The following PCDHA6 variants were observed in gnomAD, a reference collection of about 807,000 sequenced individuals.
The protein encoded by PCDHA6 is protocadherin alpha 6.
Under a neutral mutation model 60.3 loss-of-function variants are expected in PCDHA6, and 55 were observed. That is an observed-to-expected ratio of 0.91 (90% CI 0.73 to 1.14). The LOEUF (loss-of-function observed/expected upper bound fraction) is 1.14, where lower values mean the gene tolerates loss of function less well. PCDHA6 is among the 50% of genes most tolerant of loss of function. The pLI, the probability that PCDHA6 is intolerant of heterozygous loss-of-function variation, is 0.00. For missense variants in PCDHA6, 1,327 were observed against 1,256.5 expected, an observed-to-expected ratio of 1.06 and a Z score of -0.85; for synonymous variants, 652 against 557.9, an observed-to-expected ratio of 1.17 and a Z score of -2.38.
intron 1 of PCDHA6, chr5:140,855,801 TGAAA>T: frequency 4.2e-6 from 2 of 474,526 alleles, no homozygotes; most frequent in Non-Finnish European, 7.5e-6. Context: ...AACATATGAA[TGAAA>T]GAAAAGTTGT....
chr5:141,007,181 G>A (rs372000063), intron 3 of PCDHA6, among the ~76,000 whole-genome samples: 1 of 152,134 alleles, frequency 6.6e-6, no homozygotes, highest in East Asian at 1.9e-4. Context: ...AAGGTCAGGA[G>A]AATGTTTTGA....
chr5:140,843,489 G>T lies in PCDHA6; in HGVS notation c.2394+13004G>T, dbSNP rs2150361158. On this transcript the variant is annotated intron_variant, in intron 1 of 3. Transcript: ENST00000529310. ...CTGCTGCTGTACACTGCGCTGCGGT[G>T]CTCAGCACTGCCCACTGAGGGCGGG... The T allele has an allele frequency of 1.3e-6, 2 of 1,596,080 alleles. No homozygotes were observed. The highest frequency in any genetic ancestry group is 1.7e-6 in the Non-Finnish European group (2 of 1,165,638).
intron 1 of PCDHA6, chr5:140,853,603 G>T (rs1358386755): frequency 1.0e-6 from 1 of 987,254 alleles, no homozygotes; most frequent in Non-Finnish European, 1.2e-6. Context: ...GAGAGCAAAG[G>T]GGGTGCTGTA....
At chr5:140,869,932 G>A (rs1291685236) in intron 1 of PCDHA6, 45 of 1,611,630 alleles carry the variant, frequency 2.8e-5, no homozygotes, top group Non-Finnish European at 3.5e-5. Context: ...CAATGGAGAG[G>A]TAACATACTC....
chr5:140,857,659 C>T, intron 1 of PCDHA6: 1 of 1,596,596 alleles, frequency 6.3e-7, no homozygotes, highest in South Asian at 1.1e-5. Context: ...TGAGCGCGCG[C>T]GATGGGGGCG....
At chr5:140,836,132 G>A (rs1774227374) in intron 1 of PCDHA6, 2 of 1,613,758 alleles carry the variant, frequency 1.2e-6, no homozygotes, top group Non-Finnish European at 1.7e-6. Context: ...TTGTGCCGCG[G>A]TCTGTGGGCG....
In PCDHA6 at chr5:140,906,570, T is replaced by C. The variant is rs371493282; in HGVS notation, c.2395-72379T>C. ...TGCAACTGGTTGTGTGGTTCATAGCTGGTATTGATGACTACCTTCCTCTAC... is the reference window on the plus strand; with the variant it reads ...TGCAACTGGTTGTGTGGTTCATAGCCGGTATTGATGACTACCTTCCTCTAC... On this transcript the variant is annotated intron_variant, in intron 1 of 3. Coordinates refer to ENST00000529310, the MANE Select transcript of PCDHA6 (RefSeq NM_018909.4). 1.7e-4 allele frequency among the ~76,000 whole-genome samples: 26 copies of C among 152,230 alleles called. No homozygotes were observed. In the East Asian group the frequency reaches 2.1e-3, roughly 12 times the overall value.
At chr5:140,856,041 A>G in intron 1 of PCDHA6, 1 of 1,569,530 alleles carries the variant, frequency 6.4e-7, no homozygotes, top group Non-Finnish European at 8.7e-7. Flanking sequence ...AAACAAGAGA[A>G]GGATAAGATG....
intron 1 of PCDHA6, chr5:140,869,751 C>T (rs1562632987): frequency 1.2e-6 from 2 of 1,613,134 alleles, no homozygotes; most frequent in Non-Finnish European, 1.7e-6. Context: ...CAGCTACAGA[C>T]GGGGGAAAAC....
chr5:140,978,974 G>T lies in PCDHA6; in HGVS notation c.2420G>T (p.Arg807Leu). ...AKPRQPNPDW[R>L]YSASLRAGMH... is the part of the protein sequence containing the mutation. ...CCACGACAGCCCAACCCTGACTGGC[G>T]TTACTCTGCCTCCCTGAGAGCAGGC... Residue 807 changes from arginine to leucine, a missense_variant, in exon 2 of 4, where the codon CGT becomes CTT. Arg to Leu is a moderately radical substitution (Grantham distance 102, BLOSUM62 -2). Coordinates refer to ENST00000529310, the MANE Select transcript of PCDHA6 (RefSeq NM_018909.4). 6.2e-7 allele frequency: 1 copy of T among 1,614,130 alleles called. No individual in the cohort carries two copies. Among genetic ancestry groups the T allele is most frequent in the East Asian group, 2.2e-5 (1 of 44,882 alleles).
intron 1 of PCDHA6, chr5:140,930,385 C>T (rs1335168502): frequency 6.6e-6 from 1 of 151,798 alleles, no homozygotes; most frequent in Non-Finnish European, 1.5e-5. Flanking sequence ...CTTGGCATTT[C>T]AAAACTTCTT....
chr5:140,928,012 A>G (rs2084863036), intron 1 of PCDHA6: 2 of 1,614,190 alleles, frequency 1.2e-6, no homozygotes, highest in African/African-American at 2.7e-5. Context: ...TTCTAATGGT[A>G]GGGTCATTTG....
At chr5:140,866,703 G>T (rs553518884) in intron 1 of PCDHA6, 45 of 152,224 alleles carry the variant, frequency 3.0e-4, no homozygotes, top group African/African-American at 1.1e-3. Context: ...AGTGGATGAC[G>T]TGCACTAGTA....
chr5:140,857,702 G>A, intron 1 of PCDHA6: 2 of 1,597,414 alleles, frequency 1.3e-6, no homozygotes, highest in East Asian at 2.2e-5. Flanking sequence ...GACGCTGCAG[G>A]TGTTCGTGCT....
chr5:140,902,822 C>T (rs1239042138), intron 1 of PCDHA6, among the ~76,000 whole-genome samples: 4 of 151,576 alleles, frequency 2.6e-5, no homozygotes, highest in Admixed American at 2.0e-4. Context: ...ATTTGGTTTT[C>T]GATTTCTGAG....
chr5:140,908,757 C>G (rs550540742), intron 1 of PCDHA6, among the ~76,000 whole-genome samples: 1 of 152,248 alleles, frequency 6.6e-6, no homozygotes, highest in Non-Finnish European at 1.5e-5. Context: ...TGCACACAGC[C>G]TGGACGTGTT....
At chr5:140,984,254 G>A (rs553931247) in intron 3 of PCDHA6, among the ~76,000 whole-genome samples, 1 of 152,278 alleles carries the variant, frequency 6.6e-6, no homozygotes, top group East Asian at 1.9e-4. Flanking sequence ...GACCTGGTAA[G>A]CCACAAACTA....
Position 140,828,526 on chromosome 5 carries a change from T to G in PCDHA6, c.435T>G (p.Ser145=). The change falls in exon 1 of 4, where the codon TCT becomes TCG. Residue 145 remains serine, a synonymous_variant. Coordinates refer to ENST00000529310, the MANE Select transcript of PCDHA6 (RefSeq NM_018909.4). ...VEEQRVLIYE[S]RLPDSVFPLE... ...AACAAAGAGTGCTGATTTACGAATC[T>G]AGGCTGCCAGATTCTGTGTTTCCAC... is the stretch of plus-strand genomic sequence containing the variant. 2 of 1,614,226 alleles carry G rather than the reference T, an allele frequency of 1.2e-6. No individual in the cohort carries two copies. The highest frequency in any genetic ancestry group is 1.7e-6 in the Non-Finnish European group (2 of 1,180,022).
rs781932240 is a variant in PCDHA6, at chr5:140,830,165, G to T, written c.2074G>T (p.Ala692Ser). The stretch of plus-strand genomic sequence containing the variant: ...GGTGGGCGCCGCGGGCCCAGAGGCG[G>T]CGCTGGTGGATGTCAACGTGTACCT... ...ASVGAAGPEA[A>S]LVDVNVYLII... Residue 692 changes from alanine to serine, a missense_variant, in exon 1 of 4, where the codon GCG (alanine) becomes TCG (serine). Physicochemically the swap from Ala to Ser is moderately conservative, Grantham distance 99 (BLOSUM62 1). Transcript: ENST00000529310. 1 of 1,613,446 alleles carries T rather than the reference G, an allele frequency of 6.2e-7. No individual in the cohort carries two copies. The highest frequency in any genetic ancestry group is 8.5e-7 in the Non-Finnish European group (1 of 1,179,902).
Sources: allele counts gnomAD v4.1 joint callset (sites outside exome capture counted in the v4.1 genomes callset), GRCh38; gene constraint gnomAD v4.1.1; transcripts MANE v1.5; gene names NCBI Gene and HGNC (gene_info 2026-07-23, HGNC 2026-07-21).